PRSS22: variants seen among roughly 807,000 people sequenced by gnomAD.
PRSS22 encodes the protein serine protease 22.
Under a neutral mutation model 28.0 loss-of-function variants are expected in PRSS22, and 26 were observed. The observed-to-expected ratio is 0.93, with a 90% CI of 0.68 to 1.29. PRSS22 has a LOEUF of 1.29. PRSS22 is among the 50% of genes most tolerant of loss of function. PRSS22 has a pLI of 0.00. For missense variants in PRSS22, 444 were observed against 422.1 expected (o/e 1.05, Z -0.46); for synonymous variants, 217 against 177.9 (o/e 1.22, Z -1.75).
Position 2,853,463 on chromosome 16 carries a change from A to AGCTC in PRSS22, c.718-138_718-135dup. On this transcript the variant is annotated intron_variant, in intron 5 of 5. Coordinates refer to ENST00000161006, the MANE Select transcript of PRSS22 (RefSeq NM_022119.4). The surrounding 1 kb of genome is among the most constrained non-coding windows in gnomAD (Gnocchi z 4.6). ...TCCTTCCTGGAGGAGACAGGACCTGAGCTCCACCCAGGTGAGAAGTCCCCG... is the reference window on the plus strand; with the variant it reads ...TCCTTCCTGGAGGAGACAGGACCTGAGCTCGCTCCACCCAGGTGAGAAGTCCCCG... 1.4e-6 allele frequency: 1 copy of AGCTC among 730,460 alleles called. No homozygotes were observed. The highest frequency in any genetic ancestry group is 1.8e-5 in the African/African-American group (1 of 56,512). 45.2% of individuals were successfully genotyped at this position (730,460 alleles called of 1,614,324 possible). A position where few individuals can be genotyped will look rare whatever the true frequency, so the allele number is the denominator to read the frequency against.
chr16:2,855,839 T>C lies in PRSS22; in HGVS notation c.294A>G (p.Lys98=). The change falls in exon 4 of 6, where the codon AAA becomes AAG. Residue 98 remains lysine, a synonymous_variant. Coordinates refer to ENST00000161006, the MANE Select transcript of PRSS22 (RefSeq NM_022119.4). Reference sequence around the variant, plus strand: ...CCAGCAGCACAGAGAACAGGTATGGTTTGTTCAGGTTGCTGGAAGGAAAGG... The same window carrying C: ...CCAGCAGCACAGAGAACAGGTATGGCTTGTTCAGGTTGCTGGAAGGAAAGG... ...AAHCFKDNLN[K]PYLFSVLLGA... is the part of the protein sequence containing the mutation. 1 of 1,611,422 alleles carries C rather than the reference T, an allele frequency of 6.2e-7. No homozygotes were observed. The highest frequency in any genetic ancestry group is 8.5e-7 in the Non-Finnish European group (1 of 1,179,364).
chr16:2,853,223 T>C lies in PRSS22; in HGVS notation c.824A>G (p.Tyr275Cys). 2 of 1,600,738 alleles carry C rather than the reference T, an allele frequency of 1.2e-6. No homozygotes were observed. The highest frequency in any genetic ancestry group is 1.1e-5 in the South Asian group (1 of 91,076). ...GGAGCGGTGCGCAGAGAGGCTGATGTAGACCCCGGGCCTGTTGCGCTCGGC... is the reference window on the plus strand; with the variant it reads ...GGAGCGGTGCGCAGAGAGGCTGATGCAGACCCCGGGCCTGTTGCGCTCGGC... ...GCAERNRPGVYISLSAHRSWV... is the reference protein window; with the variant it reads ...GCAERNRPGVCISLSAHRSWV... Residue 275 changes from tyrosine to cysteine, a missense_variant, in exon 6 of 6, where the codon TAC becomes TGC. Tyr to Cys is a radical substitution (Grantham distance 194, BLOSUM62 -2). Coordinates refer to ENST00000161006, the MANE Select transcript of PRSS22 (RefSeq NM_022119.4). This position sits in a 1 kb window ranked among gnomAD's most constrained non-coding sequence, Gnocchi z 4.6.
rs534560165 is a variant in PRSS22 at position 2,853,780 on chromosome 16, T to C, written c.717+85A>G. On this transcript the variant is annotated intron_variant, in intron 5 of 5. Transcript: ENST00000161006. The surrounding 1 kb of genome is among the most constrained non-coding windows in gnomAD (Gnocchi z 4.6). ...TTCTGGGGAGGAGGCCAGGGAGAGG[T>C]TGTGGGGCTCAGTGGGGACAGGACT... 6.7e-7 allele frequency: 1 copy of C among 1,483,244 alleles called. No individual in the cohort carries two copies. The allele number at this position is 1,483,244 out of a possible 1,614,324, so 91.9% of individuals were successfully genotyped here. A position where few individuals can be genotyped will look rare whatever the true frequency, so the allele number is the denominator to read the frequency against.
rs1280152599 is a variant in PRSS22 at position 2,854,096 on chromosome 16, C to G, written c.560-74G>C. 9.8e-6 allele frequency: 15 copies of G among 1,530,976 alleles called. No individual in the cohort carries two copies. The Admixed American group carries it at 1.0e-4, about 11-fold the overall frequency. 94.8% of individuals were successfully genotyped at this position (1,530,976 alleles called of 1,614,324 possible). A position where few individuals can be genotyped will look rare whatever the true frequency, so the allele number is the denominator to read the frequency against. ...TGCCTCCTCAAAGGACTATTCCCCC[C>G]CAACACCATTCCTCTCAGCAGCGGT... On this transcript the variant is annotated intron_variant, in intron 4 of 5. Transcript: ENST00000161006.
At chr16:2,854,141 A>T (rs2069433749) in intron 4 of PRSS22, 119 bp from the exon 5 acceptor site, 2 of 1,152,660 alleles carry the variant, frequency 1.7e-6, no homozygotes, top group South Asian at 3.0e-5. Flanking sequence ...CTAACAGATT[A>T]GCTCTACCAG....
At position 2,856,268 on chromosome 16, in the gene PRSS22, C is replaced by A. The variant is rs776888017; in HGVS notation, c.110-15G>T. On this transcript the variant is annotated splice_polypyrimidine_tract_variant and intron_variant, in intron 2 of 5. Transcript: ENST00000161006. ...GGCTGGGGGAACTGGAGGGTACGGT[C>A]AAGTTTTGTTATCTCCAACTTCCTA... 1.9e-6 allele frequency: 3 copies of A among 1,612,556 alleles called. No individual in the cohort carries two copies. Among genetic ancestry groups the A allele is most frequent in the South Asian group, 1.1e-5 (1 of 90,994 alleles).
At position 2,853,077 on chromosome 16, in the gene PRSS22, C is replaced by T. The variant is rs1188897471; in HGVS notation, c.*16G>A. 6.6e-6 allele frequency: 10 copies of T among 1,514,076 alleles called. No individual in the cohort carries two copies. Among genetic ancestry groups the T allele is most frequent in the Non-Finnish European group, 8.9e-6 (10 of 1,123,612 alleles). 93.8% of individuals were successfully genotyped at this position (1,514,076 alleles called of 1,614,324 possible). On this transcript the variant is annotated 3_prime_UTR_variant, in exon 6 of 6. Coordinates refer to ENST00000161006, the MANE Select transcript of PRSS22 (RefSeq NM_022119.4). This position sits in a 1 kb window ranked among gnomAD's most constrained non-coding sequence, Gnocchi z 4.6. ...CTGGCCGCCTTTCAGATCCGAGCCC[C>T]GCGTCCCGCTGCGCCCTAGGAGCGC...
rs1596325617 is a variant in PRSS22, at chr16:2,854,355, G to A, written c.560-333C>T. 3 of 236,624 alleles carry A rather than the reference G, an allele frequency of 1.3e-5. No individual in the cohort carries two copies. In the East Asian group the frequency reaches 2.8e-4, roughly 22 times the overall value. 14.7% of individuals were successfully genotyped at this position (236,624 alleles called of 1,614,324 possible). On this transcript the variant is annotated intron_variant, in intron 4 of 5. Coordinates refer to ENST00000161006, the MANE Select transcript of PRSS22 (RefSeq NM_022119.4). Reference sequence around the variant, plus strand: ...GCTATAGAAGAAGTGTTCAATAAATGTCCACTCGATGTTGAAAATTACCAG... The same window carrying A: ...GCTATAGAAGAAGTGTTCAATAAATATCCACTCGATGTTGAAAATTACCAG...
rs144584103 is a variant in PRSS22, at chr16:2,856,252, A to C, written c.111T>G (p.Val37=). Residue 37 remains valine, a splice_region_variant and synonymous_variant, in exon 3 of 6, where the codon GTT becomes GTG. Transcript: ENST00000161006. ...GCTGGGGCTTCCCACAGGCTGGGGG[A>C]ACTGGAGGGTACGGTCAAGTTTTGT... ...TAILNAARIP[V]PPACGKPQQL... The C allele has an allele frequency of 6.2e-7, 1 of 1,613,100 alleles. No homozygotes were observed. The highest frequency in any genetic ancestry group is 1.1e-5 in the South Asian group (1 of 91,028).
chr16:2,854,166 C>T (rs925886000), intron 4 of PRSS22, 144 bp from the exon 5 acceptor site: 2 of 913,170 alleles, frequency 2.2e-6, no homozygotes, highest in Admixed American at 5.7e-5. Context: ...TCCCAAGATG[C>T]CTTCAGAAAA....
At position 2,853,769 on chromosome 16, in the gene PRSS22, C is replaced by G. The variant is rs935855822; in HGVS notation, c.717+96G>C. 5.7e-6 allele frequency: 8 copies of G among 1,402,156 alleles called. No individual in the cohort carries two copies. The highest frequency in any genetic ancestry group is 2.3e-5 in the East Asian group (1 of 42,736). The allele number at this position is 1,402,156 out of a possible 1,614,324, so 86.9% of individuals were successfully genotyped here. The stretch of plus-strand genomic sequence containing the variant: ...GGCACAGCCAGTTCTGGGGAGGAGG[C>G]CAGGGAGAGGTTGTGGGGCTCAGTG... On this transcript the variant is annotated intron_variant, in intron 5 of 5. Transcript: ENST00000161006. The surrounding 1 kb of genome is among the most constrained non-coding windows in gnomAD (Gnocchi z 4.6).
chr16:2,853,068 T>C lies in PRSS22; in HGVS notation c.*25A>G, dbSNP rs1275019381. 1 of 1,481,150 alleles carries C rather than the reference T, an allele frequency of 6.8e-7. No individual in the cohort carries two copies. Among genetic ancestry groups the C allele is most frequent in the Non-Finnish European group, 9.1e-7 (1 of 1,099,862 alleles). 91.8% of individuals were successfully genotyped at this position (1,481,150 alleles called of 1,614,324 possible). The stretch of plus-strand genomic sequence containing the variant: ...GATGTGGATCTGGCCGCCTTTCAGA[T>C]CCGAGCCCCGCGTCCCGCTGCGCCC... On this transcript the variant is annotated 3_prime_UTR_variant, in exon 6 of 6. Coordinates refer to ENST00000161006, the MANE Select transcript of PRSS22 (RefSeq NM_022119.4). This position sits in a 1 kb window ranked among gnomAD's most constrained non-coding sequence, Gnocchi z 4.6.
chr16:2,853,205 T>G lies in PRSS22; in HGVS notation c.842A>C (p.His281Pro). 6.2e-7 allele frequency: 1 copy of G among 1,600,006 alleles called. No individual in the cohort carries two copies. Among genetic ancestry groups the G allele is most frequent in the Non-Finnish European group, 8.5e-7 (1 of 1,179,614 alleles). Residue 281 changes from histidine (H) to proline (P), a missense_variant, in exon 6 of 6, where the codon CAC becomes CCC. By Grantham distance (77) the His-to-Pro change is moderately conservative (BLOSUM62 -2). Transcript: ENST00000161006. This position sits in a 1 kb window ranked among gnomAD's most constrained non-coding sequence, Gnocchi z 4.6. ...RPGVYISLSA[H>P]RSWVEKIVQG... ...CACGATCTTCTCCACCCAGGAGCGG[T>G]GCGCAGAGAGGCTGATGTAGACCCC...
rs1344585997 is a variant in PRSS22 at position 2,853,280 on chromosome 16, A to C, written c.767T>G (p.Leu256Arg). Residue 256 changes from leucine (L) to arginine (R), a missense_variant, in exon 6 of 6, where the codon CTG becomes CGG. Physicochemically the swap from Leu to Arg is moderately radical, Grantham distance 102. Transcript: ENST00000161006. This position sits in a 1 kb window ranked among gnomAD's most constrained non-coding sequence, Gnocchi z 4.6. ...LMCQVDGAWL[L>R]AGIISWGEGC... ...CTCGCCCCAGCTGATGATGCCGGCCAGCAGCCAGGCGCCGTCCACCTGGCA... is the reference window on the plus strand; with the variant it reads ...CTCGCCCCAGCTGATGATGCCGGCCCGCAGCCAGGCGCCGTCCACCTGGCA... 6.2e-7 allele frequency: 1 copy of C among 1,600,030 alleles called. No homozygotes were observed. Among genetic ancestry groups the C allele is most frequent in the Non-Finnish European group, 8.5e-7 (1 of 1,179,586 alleles).
chr16:2,853,219 G>C lies in PRSS22; in HGVS notation c.828C>G (p.Ile276Met). 1 of 1,600,878 alleles carries C rather than the reference G, an allele frequency of 6.2e-7. No individual in the cohort carries two copies. The highest frequency in any genetic ancestry group is 8.5e-7 in the Non-Finnish European group (1 of 1,179,758). ...CAERNRPGVY[I>M]SLSAHRSWVE... ...CCCAGGAGCGGTGCGCAGAGAGGCT[G>C]ATGTAGACCCCGGGCCTGTTGCGCT... is the stretch of plus-strand genomic sequence containing the variant. Residue 276 changes from isoleucine to methionine, a missense_variant, in exon 6 of 6, where the codon ATC becomes ATG. By Grantham distance (10) the Ile-to-Met change is conservative. Coordinates refer to ENST00000161006, the MANE Select transcript of PRSS22 (RefSeq NM_022119.4). The surrounding 1 kb of genome is among the most constrained non-coding windows in gnomAD (Gnocchi z 4.6).
rs561801333 is a variant in PRSS22 at position 2,857,319 on chromosome 16, C to A, written c.83-471G>T. 3.1e-4 allele frequency: 78 copies of A among 247,884 alleles called. 1 individual carries two copies. The highest frequency in any genetic ancestry group is 2.9e-3 in the South Asian group (78 of 26,604). 15.4% of individuals were successfully genotyped at this position (247,884 alleles called of 1,614,324 possible). ...CCCAGTGAGGAGGGGTCCCCAGCGCCCAGTGACGAGGGGGTCCCAGCGCTC... is the reference window on the plus strand; with the variant it reads ...CCCAGTGAGGAGGGGTCCCCAGCGCACAGTGACGAGGGGGTCCCAGCGCTC... On this transcript the variant is annotated intron_variant, in intron 1 of 5. Coordinates refer to ENST00000161006, the MANE Select transcript of PRSS22 (RefSeq NM_022119.4).
rs371611985 is a variant in PRSS22 at position 2,856,918 on chromosome 16, C to G, written c.83-70G>C. The G allele has an allele frequency of 2.1e-4, 321 of 1,524,802 alleles. 3 individuals are homozygous for G. In the African/African-American group the frequency reaches 4.2e-3, roughly 20 times the overall value. 94.5% of individuals were successfully genotyped at this position (1,524,802 alleles called of 1,614,324 possible). A position where few individuals can be genotyped will look rare whatever the true frequency, so the allele number is the denominator to read the frequency against. On this transcript the variant is annotated intron_variant, in intron 1 of 5. Transcript: ENST00000161006. ...GGACACAGTGGTGAGGGGCCCTCAA[C>G]GCCCAGTGAGGAAGGCCCCCAACAC...
At chr16:2,857,774 G>A (rs1019133002) in intron 1 of PRSS22, 9 of 369,146 alleles carry the variant, frequency 2.4e-5, no homozygotes, top group African/African-American at 1.5e-4. Context: ...GAGGCGAGAG[G>A]GAGCAGGCGA....
chr16:2,856,748 A>T, intron 2 of PRSS22, 74 bp downstream of exon 2: 1 of 1,498,628 alleles, frequency 6.7e-7, no homozygotes, highest in Middle Eastern at 1.9e-4. Flanking sequence ...TGCCCAGGGG[A>T]CGGACACATA....
Sources: allele counts gnomAD v4.1 joint callset, GRCh38; gene constraint gnomAD v4.1.1; non-coding constraint Gnocchi (gnomAD v3.1); transcripts MANE v1.5; gene names NCBI Gene and HGNC (gene_info 2026-07-23, HGNC 2026-07-21).